Variants in AGMO observed in about 807,000 individuals in gnomAD.
AGMO encodes glyceryl-ether monooxygenase.
A neutral mutation model predicts 60.2 loss-of-function variants in AGMO; 75 were observed. The observed-to-expected ratio is 1.25, with a 90% CI of 1.03 to 1.51. The LOEUF is 1.51. Among genes scored for constraint, AGMO ranks in the 40% most tolerant of loss-of-function variants. AGMO has a pLI of 0.00. For missense variants in AGMO, 763 were observed against 525.5 expected, an observed-to-expected ratio of 1.45 and a Z score of -4.42; for synonymous variants, 261 against 177.1, an observed-to-expected ratio of 1.47 and a Z score of -3.76.
At chr7:15,335,786 A>G (rs568874965) in intron 12 of AGMO, among the ~76,000 whole-genome samples, 16 of 152,306 alleles carry the variant, frequency 1.1e-4, no homozygotes, top group African/African-American at 3.6e-4. Flanking sequence ...TACACACTAC[A>G]TATTACCTTT....
At chr7:15,257,538 C>T (rs775932080) in intron 12 of AGMO, among the ~76,000 whole-genome samples, 1 of 152,150 alleles carries the variant, frequency 6.6e-6, no homozygotes, top group African/African-American at 2.4e-5. Context: ...TAAACTTCTA[C>T]ATAAGTGAGG....
intron 3 of AGMO, among the ~76,000 whole-genome samples, chr7:15,526,365 G>A (rs1219855754): frequency 6.6e-6 from 1 of 152,162 alleles, no homozygotes; most frequent in African/African-American, 2.4e-5. Context: ...TCTTTTTGCT[G>A]ACTCCAAGTT....
At chr7:15,389,006 A>C (rs371286291) in intron 8 of AGMO, among the ~76,000 whole-genome samples, 4 of 152,292 alleles carry the variant, frequency 2.6e-5, no homozygotes, top group African/African-American at 9.6e-5. Context: ...TTCCTCTCAA[A>C]ATACTAATCA....
At chr7:15,387,588 A>G in intron 8 of AGMO, 48 bp from the exon 9 acceptor site, 1 of 1,505,818 alleles carries the variant, frequency 6.6e-7, no homozygotes, top group Non-Finnish European at 9.0e-7. Flanking sequence ...TAAATAGGAA[A>G]GATTAAATAC....
chr7:15,491,620 G>A (rs4236285), intron 3 of AGMO, among the ~76,000 whole-genome samples: 100,082 of 152,016 alleles, frequency 0.66, 33,475 homozygotes, highest in East Asian at 0.97. Flanking sequence ...AAAATGTAAC[G>A]ACACAACCCA....
At chr7:15,345,318 A>G (rs557403943) in intron 12 of AGMO, among the ~76,000 whole-genome samples, 1 of 152,156 alleles carries the variant, frequency 6.6e-6, no homozygotes, top group Non-Finnish European at 1.5e-5. Flanking sequence ...CAGTTCCCCA[A>G]CATGGTAAGC....
chr7:15,135,151 T>TA, the AGMO span, among the ~76,000 whole-genome samples: 1 of 119,378 alleles, frequency 8.4e-6, no homozygotes, highest in Admixed American at 9.3e-5. Flanking sequence ...TCAAAATTTA[T>TA]TTATATGAGT....
intron 12 of AGMO, among the ~76,000 whole-genome samples, chr7:15,318,407 T>A (rs994430140): frequency 6.6e-6 from 1 of 152,146 alleles, no homozygotes. Flanking sequence ...GATATTCTGC[T>A]TGAATACAGT....
intron 12 of AGMO, among the ~76,000 whole-genome samples, chr7:15,330,579 C>A (rs1781469665): frequency 6.6e-6 from 1 of 152,034 alleles, no homozygotes; most frequent in South Asian, 2.1e-4. Context: ...CAAATTCTGA[C>A]CTTTGAGCGA....
intron 4 of AGMO, among the ~76,000 whole-genome samples, chr7:15,421,735 G>A (rs1422514617): frequency 6.6e-6 from 1 of 152,044 alleles, no homozygotes; most frequent in Non-Finnish European, 1.5e-5. Flanking sequence ...ATGTCCAGGA[G>A]GCTATTGAGT....
intron 12 of AGMO, among the ~76,000 whole-genome samples, chr7:15,356,630 A>G (rs1241972245): frequency 6.6e-6 from 1 of 152,106 alleles, no homozygotes; most frequent in Non-Finnish European, 1.5e-5. Context: ...GACAGCAGAT[A>G]ATACAGTGTT....
chr7:15,395,510 G>A (rs1331822636), intron 5 of AGMO, among the ~76,000 whole-genome samples: 1 of 152,020 alleles, frequency 6.6e-6, no homozygotes, highest in Non-Finnish European at 1.5e-5. Context: ...TAATAACATT[G>A]TCATTTTGTT....
chr7:15,272,668 T>A (rs190089059), intron 12 of AGMO, among the ~76,000 whole-genome samples: 1 of 152,150 alleles, frequency 6.6e-6, no homozygotes, highest in Non-Finnish European at 1.5e-5. Context: ...CTGGGTCAAA[T>A]GGTATTTCTA....
At chr7:15,382,804 A>T (rs559337114) in intron 10 of AGMO, among the ~76,000 whole-genome samples, 86 of 152,284 alleles carry the variant, frequency 5.6e-4, no homozygotes, top group African/African-American at 1.9e-3. Context: ...CCTACCATAG[A>T]TATCTTAATT....
chr7:15,522,322 C>T (rs1347154588), intron 3 of AGMO, among the ~76,000 whole-genome samples: 1 of 152,162 alleles, frequency 6.6e-6, no homozygotes, highest in East Asian at 1.9e-4. Context: ...CTACCATTGA[C>T]TTTCTTCACA....
At chr7:15,333,406 G>A (rs756846252) in intron 12 of AGMO, among the ~76,000 whole-genome samples, 1 of 151,930 alleles carries the variant, frequency 6.6e-6, no homozygotes, top group African/African-American at 2.4e-5. Context: ...AATAAAATGT[G>A]ACTTTTAACA....
At chr7:15,347,326 A>C (rs1195765948) in intron 12 of AGMO, among the ~76,000 whole-genome samples, 1 of 152,102 alleles carries the variant, frequency 6.6e-6, no homozygotes, top group African/African-American at 2.4e-5. Flanking sequence ...GTGAATTGTA[A>C]ATGCCAAACT....
intron 10 of AGMO, among the ~76,000 whole-genome samples, chr7:15,382,107 A>T (rs1201473587): frequency 1.3e-5 from 2 of 151,894 alleles, no homozygotes; most frequent in African/African-American, 2.4e-5. Flanking sequence ...CATACAACAA[A>T]CCCCTCATGA....
At chr7:15,377,106 G>GA (rs1184781066) in intron 10 of AGMO, among the ~76,000 whole-genome samples, 3 of 151,980 alleles carry the variant, frequency 2.0e-5, no homozygotes, top group East Asian at 1.9e-4. Flanking sequence ...AGTGAATCTG[G>GA]AAAAAAATAT....
Sources: gnomAD v4.1 joint callset for allele counts (sites outside exome capture counted in the v4.1 genomes callset) on GRCh38, gnomAD v4.1.1 for gene constraint, MANE v1.5 for transcripts, NCBI Gene and HGNC (gene_info 2026-07-23, HGNC 2026-07-21) for gene names.